The following RYR3 variants were observed in gnomAD, a reference collection of about 807,000 sequenced individuals.
The protein encoded by RYR3 is ryanodine receptor 3, also known as brain ryanodine receptor-calcium release channel.
A neutral mutation model predicts 584.3 loss-of-function variants in RYR3; 207 were observed. That is an observed-to-expected ratio of 0.35 (90% CI 0.32 to 0.40). RYR3 has a LOEUF of 0.40. RYR3 is among the 10% of genes least tolerant of loss of function. The probability of loss-of-function intolerance (pLI) is 1.00; values close to 1 mark genes in which losing one functional copy is unlikely to be tolerated. For synonymous variants in RYR3, 2,416 were observed against 2,248.5 expected (o/e 1.07, Z -2.11); for missense variants, 5,616 against 6,089.2 (o/e 0.92, Z 2.59).
intron 67 of RYR3, among the ~76,000 whole-genome samples, chr15:33,800,278 G>A (rs1237002726): frequency 1.3e-5 from 2 of 152,168 alleles, no homozygotes; most frequent in Non-Finnish European, 2.9e-5. Context: ...TAAAGGAAAA[G>A]GGGTGGGACA....
At chr15:33,349,058 A>G (rs915317666) in intron 1 of RYR3, among the ~76,000 whole-genome samples, 3 of 145,828 alleles carry the variant, frequency 2.1e-5, no homozygotes, top group African/African-American at 7.6e-5. Flanking sequence ...GCTTAGCAAT[A>G]TGCACTTAAG....
intron 1 of RYR3, among the ~76,000 whole-genome samples, chr15:33,402,982 G>A (rs1315241364): frequency 6.6e-6 from 1 of 152,210 alleles, no homozygotes; most frequent in Non-Finnish European, 1.5e-5. Flanking sequence ...GAGCAACCAA[G>A]TCCAGCATCA....
At chr15:33,514,192 A>G (rs1222667387) in intron 3 of RYR3, among the ~76,000 whole-genome samples, 2 of 152,212 alleles carry the variant, frequency 1.3e-5, no homozygotes, top group Admixed American at 6.5e-5. Context: ...GTTTTTAGGC[A>G]TCAGTTGCCC....
intron 18 of RYR3, among the ~76,000 whole-genome samples, chr15:33,612,952 C>T (rs150051132): frequency 6.6e-6 from 1 of 152,200 alleles, no homozygotes; most frequent in Admixed American, 6.5e-5. Context: ...TGAGACTCAT[C>T]GCAAATCAGG....
intron 16 of RYR3, among the ~76,000 whole-genome samples, chr15:33,592,547 T>C (rs1010872176): frequency 7.9e-5 from 12 of 152,212 alleles, no homozygotes; most frequent in African/African-American, 2.4e-4. Context: ...CCACTTCCGA[T>C]TGGCCAGAAT....
chr15:33,698,760 CT>C (rs1173439098), intron 40 of RYR3, among the ~76,000 whole-genome samples: 2 of 152,102 alleles, frequency 1.3e-5, no homozygotes, highest in Admixed American at 6.5e-5. Context: ...AGTGAAATCT[CT>C]CCAGAAGATC....
chr15:33,342,531 C>T (rs1456939665), intron 1 of RYR3, among the ~76,000 whole-genome samples: 1 of 152,104 alleles, frequency 6.6e-6, no homozygotes, highest in Admixed American at 6.5e-5. Context: ...GTTTCCATAA[C>T]CTGCAGTAGT....
chr15:33,506,692 C>G (rs111416404), intron 3 of RYR3, among the ~76,000 whole-genome samples: 1 of 152,190 alleles, frequency 6.6e-6, no homozygotes, highest in African/African-American at 2.4e-5. Flanking sequence ...ACAGCAGCTT[C>G]AGGTACTAGA....
rs1319290098 is a variant in RYR3, at chr15:33,738,525, G to A, written c.7591G>A (p.Val2531Met). Reference sequence around the variant, plus strand: ...AGGATGGGGGAGCTACGGGCTAGCTGTGGAAGAAGAGCTGCACCTAACGGA... The same window carrying A: ...AGGATGGGGGAGCTACGGGCTAGCTATGGAAGAAGAGCTGCACCTAACGGA... Reference protein sequence around the residue: ...PSGWGSYGLAVEEELHLTEKL... With the variant: ...PSGWGSYGLAMEEELHLTEKL... Residue 2531 changes from valine (V) to methionine (M), a missense_variant, in exon 50 of 104, where the codon GTG (valine) becomes ATG (methionine). By Grantham distance (21) the Val-to-Met change is conservative. Coordinates refer to ENST00000634891, the MANE Select transcript of RYR3 (RefSeq NM_001036.6). 4 of 1,614,002 alleles carry A rather than the reference G, an allele frequency of 2.5e-6. No homozygotes were observed. Among genetic ancestry groups the A allele is most frequent in the Non-Finnish European group, 3.4e-6 (4 of 1,179,890 alleles).
intron 1 of RYR3, among the ~76,000 whole-genome samples, chr15:33,351,350 A>G (rs1179546037): frequency 2.0e-5 from 3 of 152,238 alleles, no homozygotes; most frequent in South Asian, 4.1e-4. Flanking sequence ...AACTGGTACC[A>G]TTCCTTCTGA....
chr15:33,353,347 T>C (rs530883518), intron 1 of RYR3, among the ~76,000 whole-genome samples: 1 of 152,286 alleles, frequency 6.6e-6, no homozygotes, highest in East Asian at 1.9e-4. Flanking sequence ...AAAAGGGATT[T>C]TAGTTGGGCA....
intron 1 of RYR3, among the ~76,000 whole-genome samples, chr15:33,425,899 C>CA (rs2044614795): frequency 6.6e-6 from 1 of 152,130 alleles, no homozygotes; most frequent in African/African-American, 2.4e-5. Context: ...GCCTTGGCCT[C>CA]CCAAAGTGCT....
intron 59 of RYR3, among the ~76,000 whole-genome samples, chr15:33,756,847 T>C (rs1230770694): frequency 1.3e-5 from 2 of 152,092 alleles, no homozygotes; most frequent in Non-Finnish European, 2.9e-5. Context: ...TGGTACGATA[T>C]GATACCTTGA....
intron 93 of RYR3, chr15:33,847,091 T>G (rs891343): frequency 0.74 from 111,907 of 152,166 alleles, 41,228 homozygotes; most frequent in South Asian, 0.82. Context: ...TTGATATTAC[T>G]ACTGTTCTCT....
chr15:33,471,429 G>T (rs1056161615), intron 1 of RYR3, among the ~76,000 whole-genome samples: 1 of 152,054 alleles, frequency 6.6e-6, no homozygotes, highest in East Asian at 1.9e-4. Flanking sequence ...ATAGGATGGG[G>T]AAATTTCAGA....
At chr15:33,770,213 G>A (rs2073455807) in intron 62 of RYR3, among the ~76,000 whole-genome samples, 1 of 151,676 alleles carries the variant, frequency 6.6e-6, no homozygotes, top group Non-Finnish European at 1.5e-5. Context: ...CAACCTAAAA[G>A]AGTGGGACAC....
chr15:33,554,139 T>C (rs1418419285), intron 10 of RYR3, among the ~76,000 whole-genome samples: 2 of 152,124 alleles, frequency 1.3e-5, no homozygotes, highest in Non-Finnish European at 2.9e-5. Flanking sequence ...TGGGAGGCCC[T>C]GGATGACAAG....
intron 1 of RYR3, among the ~76,000 whole-genome samples, chr15:33,469,484 C>G (rs1204185446): frequency 6.6e-6 from 1 of 151,778 alleles, no homozygotes; most frequent in African/African-American, 2.4e-5. Context: ...CTCAAGACCT[C>G]CAGTCTCTCC....
At chr15:33,379,641 GTA>G (rs747832481) in intron 1 of RYR3, among the ~76,000 whole-genome samples, 1,947 of 128,630 alleles carry the variant, frequency 0.015, 28 homozygotes, top group Middle Eastern at 0.033. Context: ...ATATTTATGT[GTA>G]TGTGTGTGTG....
Sources: allele counts gnomAD v4.1 joint callset (sites outside exome capture counted in the v4.1 genomes callset), GRCh38; gene constraint gnomAD v4.1.1; transcripts MANE v1.5; gene names NCBI Gene and HGNC (gene_info 2026-07-23, HGNC 2026-07-21).